Variants in CAP1 observed in about 807,000 individuals in gnomAD.
The protein encoded by CAP1 is cyclase associated actin cytoskeleton regulatory protein 1.
In CAP1, 11 loss-of-function variants were observed where a neutral mutation model predicts 58.2. That is an observed-to-expected ratio of 0.19 (90% CI 0.12 to 0.31). The LOEUF (loss-of-function observed/expected upper bound fraction) is 0.31. Ranked by LOEUF, CAP1 falls within the 10% of genes least tolerant of loss-of-function variation. CAP1 has a pLI of 1.00. For synonymous variants in CAP1, 183 were observed against 213.8 expected, an observed-to-expected ratio of 0.86 and a Z score of 1.26; for missense variants, 423 against 587.5, an observed-to-expected ratio of 0.72 and a Z score of 2.89.
At chr1:40,060,556 T>A (rs1346575911) in intron 3 of CAP1, among the ~76,000 whole-genome samples, 1 of 152,172 alleles carries the variant, frequency 6.6e-6, no homozygotes, top group Non-Finnish European at 1.5e-5. Context: ...TAGTTATTAG[T>A]TATGCTAATG....
intron 1 of CAP1, among the ~76,000 whole-genome samples, chr1:40,056,925 T>C (rs1646643561): frequency 6.6e-6 from 1 of 151,846 alleles, no homozygotes; most frequent in African/African-American, 2.4e-5. Context: ...ACAGTTTCTG[T>C]TCTTTTGTAT....
chr1:40,047,674 A>G (rs1279055973), intron 1 of CAP1, among the ~76,000 whole-genome samples: 1 of 152,262 alleles, frequency 6.6e-6, no homozygotes, highest in Non-Finnish European at 1.5e-5. Flanking sequence ...AGAAGTAGAA[A>G]GGGACTGCCG....
chr1:40,069,517 A>G, intron 8 of CAP1, 173 bp from the exon 9 acceptor site: 1 of 637,792 alleles, frequency 1.6e-6, no homozygotes, highest in South Asian at 1.9e-5. Context: ...CATATAATTT[A>G]ATCTTGGGGA....
intron 6 of CAP1, among the ~76,000 whole-genome samples, chr1:40,065,032 A>G (rs1162619547): frequency 2.6e-5 from 4 of 152,212 alleles, no homozygotes; most frequent in African/African-American, 9.7e-5. Flanking sequence ...CAAGCAGGAA[A>G]TACTTCTGCT....
intron 8 of CAP1, among the ~76,000 whole-genome samples, chr1:40,068,658 G>A (rs1042072981): frequency 6.6e-6 from 1 of 151,762 alleles, no homozygotes; most frequent in Admixed American, 6.6e-5. Context: ...AATCTAGTAT[G>A]TAAATTACAA....
At position 40,068,837 on chromosome 1, in the gene CAP1, TTTTA is replaced by T. The variant is rs558095624; in HGVS notation, c.809-849_809-846del. On this transcript the variant is annotated intron_variant, in intron 8 of 12. Coordinates refer to ENST00000372805, the MANE Select transcript of CAP1 (RefSeq NM_006367.4). Reference sequence around the variant, plus strand: ...ATTTTTACTTTTATTTTTTATTTTATTTTATTTTTTTTGAGATGGGAGTCTCACT... The same window carrying T: ...ATTTTTACTTTTATTTTTTATTTTATTTTTTTTTGAGATGGGAGTCTCACT... 2.8e-3 allele frequency among the ~76,000 whole-genome samples: 423 copies of T among 151,962 alleles called. 1 individual carries two copies. The highest frequency in any genetic ancestry group is 4.7e-3 in the Non-Finnish European group (319 of 67,930).
rs569531431 is a variant in CAP1 at position 40,067,563 on chromosome 1, C to T, written c.654C>T (p.Ser218=). The change falls in exon 8 of 13, where the codon AGC becomes AGT. Residue 218 remains serine (S), a synonymous_variant. Transcript: ENST00000372805. The part of the protein sequence containing the change: ...SKTGPVAKEL[S]GLPSGPSAGS... ...AGGGGCCTGTGGCAAAAGAACTGAG[C>T]GGACTGCCATCTGGACCCTCTGCCG... The T allele has an allele frequency of 1.9e-5, 30 of 1,609,090 alleles. No homozygotes were observed. The highest frequency in any genetic ancestry group is 1.3e-4 in the African/African-American group (10 of 74,696).
chr1:40,048,871 A>G (rs1268191299), intron 1 of CAP1, among the ~76,000 whole-genome samples: 2 of 152,200 alleles, frequency 1.3e-5, no homozygotes, highest in Admixed American at 1.3e-4. Context: ...AAGCAAATCA[A>G]TTGGGCTACC....
At chr1:40,043,900 A>C (rs1270915631) in intron 1 of CAP1, among the ~76,000 whole-genome samples, 1 of 152,016 alleles carries the variant, frequency 6.6e-6, no homozygotes, top group Admixed American at 6.6e-5. Context: ...GAAAAAAGAA[A>C]TTTCTCGCTT....
intron 1 of CAP1, among the ~76,000 whole-genome samples, chr1:40,049,296 T>C (rs1009136694): frequency 2.7e-5 from 4 of 150,938 alleles, no homozygotes; most frequent in Admixed American, 6.6e-5. Context: ...CAAGAGATTC[T>C]TGTGCCTCAG....
chr1:40,043,538 T>C (rs1043023836), intron 1 of CAP1, among the ~76,000 whole-genome samples: 1 of 152,104 alleles, frequency 6.6e-6, no homozygotes, highest in Non-Finnish European at 1.5e-5. Context: ...TGGATTTGAT[T>C]TTGTGGGTGG....
chr1:40,043,923 C>G (rs1305657080), intron 1 of CAP1, among the ~76,000 whole-genome samples: 1 of 151,710 alleles, frequency 6.6e-6, no homozygotes, highest in Non-Finnish European at 1.5e-5. Context: ...TCCAGAAATA[C>G]TTCCTCAATT....
At chr1:40,061,381 A>C (rs1014797810) in intron 3 of CAP1, among the ~76,000 whole-genome samples, 4 of 152,244 alleles carry the variant, frequency 2.6e-5, no homozygotes, top group African/African-American at 9.6e-5. Context: ...TGAGAAAAGA[A>C]AGGTGTTTTT....
chr1:40,062,429 TA>T (rs1276574457), intron 4 of CAP1, among the ~76,000 whole-genome samples: 1 of 152,012 alleles, frequency 6.6e-6, no homozygotes, highest in South Asian at 2.1e-4. Context: ...CTAGATAATA[TA>T]AAAATAGTGC....
intron 1 of CAP1, among the ~76,000 whole-genome samples, chr1:40,058,496 C>T (rs1488550864): frequency 6.6e-6 from 1 of 151,998 alleles, no homozygotes; most frequent in African/African-American, 2.4e-5. Context: ...GAGGCCAAGG[C>T]GGGTGGATTA....
intron 1 of CAP1, among the ~76,000 whole-genome samples, chr1:40,056,456 C>T (rs141193571): frequency 4.2e-4 from 64 of 152,048 alleles, no homozygotes; most frequent in African/African-American, 1.4e-3. Flanking sequence ...CCATCATGCC[C>T]GGCTAATTTT....
At chr1:40,053,437 GTTGT>G (rs1321682371) in intron 1 of CAP1, among the ~76,000 whole-genome samples, 7 of 152,100 alleles carry the variant, frequency 4.6e-5, no homozygotes, top group Middle Eastern at 3.4e-3. Context: ...TTACTCACTA[GTTGT>G]TTGACCTCTG....
chr1:40,055,839 G>A (rs1313386036), intron 1 of CAP1, among the ~76,000 whole-genome samples: 1 of 152,134 alleles, frequency 6.6e-6, no homozygotes, highest in Non-Finnish European at 1.5e-5. Context: ...TCAGGATGGA[G>A]GCAAGAGGCA....
intron 1 of CAP1, among the ~76,000 whole-genome samples, 187 bp from the exon 2 acceptor site, chr1:40,059,147 GCTA>G (rs1004812564): frequency 5.9e-5 from 9 of 152,050 alleles, no homozygotes; most frequent in African/African-American, 2.2e-4. Context: ...TTGTAAATAT[GCTA>G]CTTTTTTATC....
Sources: gnomAD v4.1 joint callset for allele counts (sites outside exome capture counted in the v4.1 genomes callset) on GRCh38, gnomAD v4.1.1 for gene constraint, MANE v1.5 for transcripts, NCBI Gene and HGNC (gene_info 2026-07-23, HGNC 2026-07-21) for gene names.